The following COL7A1 variants were observed in gnomAD, a reference collection of about 807,000 sequenced individuals.
The protein encoded by COL7A1 is collagen type VII alpha 1 chain, also known as collagen alpha-1(VII) chain.
In COL7A1, 296 loss-of-function variants were observed where a neutral mutation model predicts 456.2. The observed-to-expected ratio is 0.65, with a 90% confidence interval of 0.59 to 0.71. The LOEUF (loss-of-function observed/expected upper bound fraction) is 0.71. COL7A1 is among the 30% of genes least tolerant of loss of function. The pLI, the probability that COL7A1 is intolerant of heterozygous loss-of-function variation, is 0.00. For missense variants in COL7A1, 3,441 were observed against 4,017.2 expected, an observed-to-expected ratio of 0.86 and a Z score of 3.88; for synonymous variants, 1,464 against 1,525.9, an observed-to-expected ratio of 0.96 and a Z score of 0.95.
In COL7A1 at chr3:48,587,540, G is replaced by C; in HGVS notation, c.2872C>G (p.Pro958Ala). The C allele has an allele frequency of 6.2e-7, 1 of 1,613,574 alleles. No individual in the cohort carries two copies. The highest frequency in any genetic ancestry group is 8.5e-7 in the Non-Finnish European group (1 of 1,180,028). Residue 958 changes from proline (P) to alanine (A), a missense_variant, in exon 23 of 119, where the codon CCA becomes GCA. Pro to Ala is a conservative substitution (Grantham distance 27). Transcript: ENST00000681320. This position sits in a 1 kb window ranked among gnomAD's most constrained non-coding sequence, Gnocchi z 6.1. ...TCCACCACACGTAGTTCAATGCTTGGAACACGAGGTGACTCTGAAGGAGGA... is the reference window on the plus strand; with the variant it reads ...TCCACCACACGTAGTTCAATGCTTGCAACACGAGGTGACTCTGAAGGAGGA... ...VTARTESPRV[P>A]SIELRVVDTS...
chr3:48,573,599 T>C lies in COL7A1; in HGVS notation c.6574-42A>G. ...AGGGCAGGGAACAGGGCTCAGGGAT[T>C]AACACAGAGAAGGCCTGGCTCATCA... On this transcript the variant is annotated intron_variant, in intron 82 of 118. Transcript: ENST00000681320. This position sits in a 1 kb window ranked among gnomAD's most constrained non-coding sequence, Gnocchi z 5.5. 1 of 1,613,884 alleles carries C rather than the reference T, an allele frequency of 6.2e-7. No homozygotes were observed. Among genetic ancestry groups the C allele is most frequent in the Non-Finnish European group, 8.5e-7 (1 of 1,179,912 alleles).
In COL7A1 at chr3:48,579,050, C is replaced by A. The variant is rs918060078; in HGVS notation, c.5389-96G>T. 1 of 1,575,370 alleles carries A rather than the reference C, an allele frequency of 6.3e-7. No individual in the cohort carries two copies. The highest frequency in any genetic ancestry group is 1.1e-5 in the South Asian group (1 of 90,160). ...CCTGCATGGCAAGAACATGCCCCACCCAGGCAGGGCTCTGGGAGAAGACAC... is the reference window on the plus strand; with the variant it reads ...CCTGCATGGCAAGAACATGCCCCACACAGGCAGGGCTCTGGGAGAAGACAC... On this transcript the variant is annotated intron_variant, in intron 62 of 118. Coordinates refer to ENST00000681320, the MANE Select transcript of COL7A1 (RefSeq NM_000094.4). The surrounding 1 kb of genome is among the most constrained non-coding windows in gnomAD (Gnocchi z 4.4).
At position 48,581,512 on chromosome 3, in the gene COL7A1, TAGTC is replaced by T. The variant is rs2044756021; in HGVS notation, c.4783-33_4783-30del. The T allele has an allele frequency of 1.9e-6, 3 of 1,613,900 alleles. No homozygotes were observed. Among genetic ancestry groups the T allele is most frequent in the Non-Finnish European group, 2.5e-6 (3 of 1,179,974 alleles). On this transcript the variant is annotated intron_variant, in intron 50 of 118. Coordinates refer to ENST00000681320, the MANE Select transcript of COL7A1 (RefSeq NM_000094.4). The surrounding 1 kb of genome is among the most constrained non-coding windows in gnomAD (Gnocchi z 5.8). ...AAGGGGACAGAAGGGGGGCAGGACT[TAGTC>T]AGGGTCCCACCACCTCATCTCCCTC...
At position 48,590,285 on chromosome 3, in the gene COL7A1, T is replaced by C; in HGVS notation, c.1978A>G (p.Thr660Ala). 1 of 1,613,918 alleles carries C rather than the reference T, an allele frequency of 6.2e-7. No homozygotes were observed. Among genetic ancestry groups the C allele is most frequent in the African/African-American group, 1.3e-5 (1 of 74,974 alleles). The change falls in exon 16 of 119, where the codon ACC becomes GCC. Residue 660 changes from threonine (T) to alanine (A), a missense_variant. Transcript: ENST00000681320. The surrounding 1 kb of genome is among the most constrained non-coding windows in gnomAD (Gnocchi z 4.6). Reference protein sequence around the residue: ...TDITGLQPGTTYQVAVSVLRG... With the variant: ...TDITGLQPGTAYQVAVSVLRG... The stretch of plus-strand genomic sequence containing the variant: ...AGTACCGACACAGCCACCTGGTAGG[T>C]GGTTCCAGGCTGCAGCCCTGTGATG...
Position 48,579,599 on chromosome 3 carries a change from G to A in COL7A1, c.5224C>T (p.Pro1742Ser). The change falls in exon 59 of 119, where the codon CCT becomes TCT. Residue 1742 changes from proline to serine, a missense_variant. Pro to Ser is a moderately conservative substitution (Grantham distance 74). Around this residue, in one of 3 missense-constraint regions of COL7A1, gnomAD observed 2,084 missense variants for 2,501.3 expected, o/e 0.83. Transcript: ENST00000681320. The surrounding 1 kb of genome is among the most constrained non-coding windows in gnomAD (Gnocchi z 4.4). The stretch of plus-strand genomic sequence containing the variant: ...CCAATCACACTCACCCTTTCCCCAG[G>A]GGCTCCAGGGAGGCCAGGATCACCC... Reference protein sequence around the residue: ...PKGDPGLPGAPGERGIEGFRG... With the variant: ...PKGDPGLPGASGERGIEGFRG... 2 of 1,613,796 alleles carry A rather than the reference G, an allele frequency of 1.2e-6. No individual in the cohort carries two copies. The highest frequency in any genetic ancestry group is 2.2e-5 in the East Asian group (1 of 44,854).
chr3:48,573,738 A>G lies in COL7A1; in HGVS notation c.6538-13T>C. 6.2e-7 allele frequency: 1 copy of G among 1,613,742 alleles called. No individual in the cohort carries two copies. Among genetic ancestry groups the G allele is most frequent in the Admixed American group, 1.7e-5 (1 of 59,950 alleles). On this transcript the variant is annotated splice_polypyrimidine_tract_variant and intron_variant, in intron 81 of 118. Coordinates refer to ENST00000681320, the MANE Select transcript of COL7A1 (RefSeq NM_000094.4). The surrounding 1 kb of genome is among the most constrained non-coding windows in gnomAD (Gnocchi z 5.5). The stretch of plus-strand genomic sequence containing the variant: ...CTCCATGACCACCCTGTTGTGGCGA[A>G]AAAGAGTCTGATGAGGGGGAGTTAG...
Position 48,579,292 on chromosome 3 carries a change from G to A in COL7A1, c.5308-15C>T. On this transcript the variant is annotated splice_polypyrimidine_tract_variant and intron_variant, in intron 61 of 118. Coordinates refer to ENST00000681320, the MANE Select transcript of COL7A1 (RefSeq NM_000094.4). This position sits in a 1 kb window ranked among gnomAD's most constrained non-coding sequence, Gnocchi z 4.4. ...CCCCGGTCACCCTGTGGAAAATAGA[G>A]TGGTAAGAGGCCACCAAGGCTGAGG... 1 of 1,614,158 alleles carries A rather than the reference G, an allele frequency of 6.2e-7. No homozygotes were observed. Among genetic ancestry groups the A allele is most frequent in the Non-Finnish European group, 8.5e-7 (1 of 1,180,028 alleles).
Position 48,593,760 on chromosome 3 carries a change from G to T in COL7A1, c.267-64C>A. 8.8e-6 allele frequency: 14 copies of T among 1,597,404 alleles called. No homozygotes were observed. Among genetic ancestry groups the T allele is most frequent in the Non-Finnish European group, 1.2e-5 (14 of 1,164,950 alleles). On this transcript the variant is annotated intron_variant, in intron 3 of 118. Coordinates refer to ENST00000681320, the MANE Select transcript of COL7A1 (RefSeq NM_000094.4). This position sits in a 1 kb window ranked among gnomAD's most constrained non-coding sequence, Gnocchi z 4.4. ...GATCTCTTCTGGCCCTGGCCTTGAG[G>T]AGGCCTCTAGGGTGAGGGTTACGGG...
chr3:48,594,488 A>G lies in COL7A1; in HGVS notation c.146T>C (p.Ile49Thr), dbSNP rs1481032900. The G allele has an allele frequency of 2.5e-6, 4 of 1,612,228 alleles. No homozygotes were observed. In the African/African-American group the frequency reaches 4.0e-5, roughly 16 times the overall value. ...IVFLLDGSSS[I>T]GRSNFREVRS... is the part of the protein sequence containing the mutation. Reference sequence around the variant, plus strand: ...GACCTCGCGGAAATTGCTGCGGCCAATGGATGAGGAGCCATCCAGTAAGAA... The same window carrying G: ...GACCTCGCGGAAATTGCTGCGGCCAGTGGATGAGGAGCCATCCAGTAAGAA... The change falls in exon 3 of 119, where the codon ATT becomes ACT. Residue 49 changes from isoleucine to threonine, a missense_variant. This residue lies in a region of COL7A1 where 913 missense variants were observed against 1,088.2 expected (regional missense o/e 0.84). Transcript: ENST00000681320. This position sits in a 1 kb window ranked among gnomAD's most constrained non-coding sequence, Gnocchi z 5.5.
Position 48,588,847 on chromosome 3 carries a change from G to C in COL7A1, c.2440+23C>G. Reference sequence around the variant, plus strand: ...TGAGCAGTCCCAGCCAGGAAGGACAGGGGTGGCGTCAGGGAGCCATACCTT... The same window carrying C: ...TGAGCAGTCCCAGCCAGGAAGGACACGGGTGGCGTCAGGGAGCCATACCTT... On this transcript the variant is annotated intron_variant, in intron 19 of 118. Transcript: ENST00000681320. This position sits in a 1 kb window ranked among gnomAD's most constrained non-coding sequence, Gnocchi z 4.6. 1 of 1,613,498 alleles carries C rather than the reference G, an allele frequency of 6.2e-7. No individual in the cohort carries two copies. The highest frequency in any genetic ancestry group is 1.1e-5 in the South Asian group (1 of 91,090).
rs2043513344 is a variant in COL7A1, at chr3:48,564,387, T to C, written c.*19A>G. 1 of 1,613,932 alleles carries C rather than the reference T, an allele frequency of 6.2e-7. No individual in the cohort carries two copies. On this transcript the variant is annotated 3_prime_UTR_variant, in exon 119 of 119. Transcript: ENST00000681320. The surrounding 1 kb of genome is among the most constrained non-coding windows in gnomAD (Gnocchi z 6.0). ...CGACTCCTCCAGGGGATGCTGAATCTCAGCTCATTATCTGGGCCTCAGTCC... is the reference window on the plus strand; with the variant it reads ...CGACTCCTCCAGGGGATGCTGAATCCCAGCTCATTATCTGGGCCTCAGTCC...
At position 48,588,541 on chromosome 3, in the gene COL7A1, C is replaced by T. The variant is rs1047733789; in HGVS notation, c.2587+101G>A. ...CTCTCAGACCCTGCCCCCAAAGGCTCACTACCAATCCTGGTCCTTTCTCCA... is the reference window on the plus strand; with the variant it reads ...CTCTCAGACCCTGCCCCCAAAGGCTTACTACCAATCCTGGTCCTTTCTCCA... On this transcript the variant is annotated intron_variant, in intron 20 of 118. Transcript: ENST00000681320. The surrounding 1 kb of genome is among the most constrained non-coding windows in gnomAD (Gnocchi z 4.6). 2 of 1,608,336 alleles carry T rather than the reference C, an allele frequency of 1.2e-6. No homozygotes were observed. Among genetic ancestry groups the T allele is most frequent in the Non-Finnish European group, 8.5e-7 (1 of 1,177,680 alleles).
At position 48,591,894 on chromosome 3, in the gene COL7A1, T is replaced by C; in HGVS notation, c.1357+4A>G. The stretch of plus-strand genomic sequence containing the variant: ...TGCCTGTCCATCCCTTCCCCCGCAC[T>C]GACCAGTCTCACGCCGCCATTCCAA... On this transcript the variant is annotated splice_donor_region_variant and intron_variant, in intron 11 of 118. Transcript: ENST00000681320. This position sits in a 1 kb window ranked among gnomAD's most constrained non-coding sequence, Gnocchi z 7.0. 1 of 1,614,170 alleles carries C rather than the reference T, an allele frequency of 6.2e-7. No individual in the cohort carries two copies. Among genetic ancestry groups the C allele is most frequent in the Non-Finnish European group, 8.5e-7 (1 of 1,180,022 alleles).
rs755422553 is a variant in COL7A1, at chr3:48,587,545, C to G, written c.2867G>C (p.Arg956Pro). 2 of 1,613,556 alleles carry G rather than the reference C, an allele frequency of 1.2e-6. No individual in the cohort carries two copies. The highest frequency in any genetic ancestry group is 3.3e-5 in the Admixed American group (2 of 60,018). ...AEVTARTESP[R>P]VPSIELRVVD... ...CACACGTAGTTCAATGCTTGGAACACGAGGTGACTCTGAAGGAGGAATGAA... is the reference window on the plus strand; with the variant it reads ...CACACGTAGTTCAATGCTTGGAACAGGAGGTGACTCTGAAGGAGGAATGAA... The change falls in exon 23 of 119, where the codon CGT (arginine) becomes CCT (proline). Residue 956 changes from arginine (R) to proline (P), a missense_variant. Arg to Pro is a moderately radical substitution (Grantham distance 103). This residue lies in a region of COL7A1 where 444 missense variants were observed against 427.6 expected (regional missense o/e 1.04). Transcript: ENST00000681320. The surrounding 1 kb of genome is among the most constrained non-coding windows in gnomAD (Gnocchi z 6.1).
Position 48,564,908 on chromosome 3 carries a change from G to A in COL7A1, c.8693C>T (p.Thr2898Ile). 1 of 1,614,252 alleles carries A rather than the reference G, an allele frequency of 6.2e-7. No homozygotes were observed. Among genetic ancestry groups the A allele is most frequent in the Non-Finnish European group, 8.5e-7 (1 of 1,180,040 alleles). The change falls in exon 118 of 119, where the codon ACA becomes ATA. Residue 2898 changes from threonine (T) to isoleucine (I), a missense_variant. Physicochemically the swap from Thr to Ile is moderately conservative, Grantham distance 89. Coordinates refer to ENST00000681320, the MANE Select transcript of COL7A1 (RefSeq NM_000094.4). The surrounding 1 kb of genome is among the most constrained non-coding windows in gnomAD (Gnocchi z 6.0). ...AGGGTGACAGGCCTCTGTGCTGCCTGTCACAGCCCGATGGTACCAGCGCAG... is the reference window on the plus strand; with the variant it reads ...AGGGTGACAGGCCTCTGTGCTGCCTATCACAGCCCGATGGTACCAGCGCAG... ...YTLRWYHRAV[T>I]GSTEACHPFV... is the part of the protein sequence containing the mutation.
rs201632603 is a variant in COL7A1, at chr3:48,592,316, G to A, written c.1093+35C>T. ...AGGACTCTACAGCCTTGTCTGAGGCGCGGGGACTCCCCTCAGCCCACATCT... is the reference window on the plus strand; with the variant it reads ...AGGACTCTACAGCCTTGTCTGAGGCACGGGGACTCCCCTCAGCCCACATCT... On this transcript the variant is annotated intron_variant, in intron 9 of 118. Transcript: ENST00000681320. The surrounding 1 kb of genome is among the most constrained non-coding windows in gnomAD (Gnocchi z 7.6). 1.5e-5 allele frequency: 24 copies of A among 1,613,456 alleles called. No homozygotes were observed. The highest frequency in any genetic ancestry group is 4.0e-5 in the African/African-American group (3 of 75,036).
rs983860704 is a variant in COL7A1 at position 48,582,783 on chromosome 3, A to G, written c.4519-130T>C. ...TGGGATTTAGGTTGGCAGGGGTAAGACTTGGCAGGAGAACAGAGACCAGGT... is the reference window on the plus strand; with the variant it reads ...TGGGATTTAGGTTGGCAGGGGTAAGGCTTGGCAGGAGAACAGAGACCAGGT... On this transcript the variant is annotated intron_variant, in intron 44 of 118. Transcript: ENST00000681320. 4 of 1,170,088 alleles carry G rather than the reference A, an allele frequency of 3.4e-6. No homozygotes were observed. In the African/African-American group the frequency reaches 4.5e-5, roughly 13 times the overall value. 72.5% of individuals were successfully genotyped at this position (1,170,088 alleles called of 1,614,324 possible). A position where few individuals can be genotyped will look rare whatever the true frequency, so the allele number is the denominator to read the frequency against.
In COL7A1 at chr3:48,567,475, T is replaced by A; in HGVS notation, c.8046+99A>T. The stretch of plus-strand genomic sequence containing the variant: ...ACTTCAGCCCCCAAAGTCCCAACCC[T>A]CTACAGCCTTCCTTGTCCCTACACC... On this transcript the variant is annotated intron_variant, in intron 109 of 118. Transcript: ENST00000681320. This position sits in a 1 kb window ranked among gnomAD's most constrained non-coding sequence, Gnocchi z 4.3. 6.5e-7 allele frequency: 1 copy of A among 1,533,728 alleles called. No homozygotes were observed. Among genetic ancestry groups the A allele is most frequent in the African/African-American group, 1.4e-5 (1 of 71,368 alleles).
In COL7A1 at chr3:48,585,926, T is replaced by C; in HGVS notation, c.3759+14A>G. The C allele has an allele frequency of 6.2e-7, 1 of 1,614,134 alleles. No homozygotes were observed. Among genetic ancestry groups the C allele is most frequent in the African/African-American group, 1.3e-5 (1 of 75,046 alleles). On this transcript the variant is annotated intron_variant, in intron 29 of 118. Coordinates refer to ENST00000681320, the MANE Select transcript of COL7A1 (RefSeq NM_000094.4). This position sits in a 1 kb window ranked among gnomAD's most constrained non-coding sequence, Gnocchi z 4.5. ...GGTGCAGCCTCTGTTCACCTCTCGA[T>C]GAGGGACTCTTACCTTTGGACAATA...
Sources: gnomAD v4.1 joint callset for allele counts on GRCh38, gnomAD v4.1.1 for gene constraint, gnomAD v4.1.1 regional missense constraint, Gnocchi (gnomAD v3.1) non-coding constraint, MANE v1.5 for transcripts, NCBI Gene and HGNC (gene_info 2026-07-23, HGNC 2026-07-21) for gene names.